The following TTC7B variants were observed in gnomAD, a reference collection of about 807,000 sequenced individuals.
The protein encoded by TTC7B is tetratricopeptide repeat protein 7B.
In TTC7B, 28 loss-of-function variants were observed where a neutral mutation model predicts 106.8. That is an observed-to-expected ratio of 0.26 (90% CI 0.19 to 0.36). The LOEUF (loss-of-function observed/expected upper bound fraction) is 0.36, where lower values mean the gene tolerates loss of function less well. TTC7B is among the 10% of genes least tolerant of loss of function. TTC7B has a pLI of 1.00. For missense variants in TTC7B, 862 were observed against 1,076.4 expected, an observed-to-expected ratio of 0.80 and a Z score of 2.79; for synonymous variants, 405 against 430.6, an observed-to-expected ratio of 0.94 and a Z score of 0.74.
chr14:90,552,731 G>A (rs1890139505), intron 19 of TTC7B, among the ~76,000 whole-genome samples: 1 of 152,226 alleles, frequency 6.6e-6, no homozygotes, highest in Admixed American at 6.5e-5. Context: ...AGATGAAGGA[G>A]GAGAGCTCCA....
chr14:90,609,324 G>A (rs529930089), intron 17 of TTC7B, among the ~76,000 whole-genome samples: 2 of 152,330 alleles, frequency 1.3e-5, no homozygotes, highest in African/African-American at 2.4e-5. Flanking sequence ...CGCTTCCAGT[G>A]CCCAAAAATC....
intron 5 of TTC7B, among the ~76,000 whole-genome samples, chr14:90,721,508 C>T (rs1259963530): frequency 2.6e-5 from 4 of 151,032 alleles, no homozygotes; most frequent in African/African-American, 4.9e-5. Flanking sequence ...TACATAATTA[C>T]GTCTAGACTT....
intron 5 of TTC7B, among the ~76,000 whole-genome samples, chr14:90,720,276 T>G (rs1410096187): frequency 6.6e-6 from 1 of 152,180 alleles, no homozygotes; most frequent in Non-Finnish European, 1.5e-5. Context: ...GTAGGTTAAT[T>G]TCATTTTAAA....
intron 1 of TTC7B, among the ~76,000 whole-genome samples, chr14:90,800,573 AG>A (rs1659650737): frequency 6.6e-6 from 1 of 152,082 alleles, no homozygotes; most frequent in Non-Finnish European, 1.5e-5. Context: ...GCACTTTGGG[AG>A]GCCGAGGCAG....
At chr14:90,628,936 G>T (rs1884569055) in intron 15 of TTC7B, among the ~76,000 whole-genome samples, 1 of 152,256 alleles carries the variant, frequency 6.6e-6, no homozygotes, top group Non-Finnish European at 1.5e-5. Context: ...CTCCCTGAAG[G>T]TGAGCGATTC....
chr14:90,696,173 G>A (rs552111491), intron 5 of TTC7B, among the ~76,000 whole-genome samples: 1 of 152,184 alleles, frequency 6.6e-6, no homozygotes, highest in South Asian at 2.1e-4. Flanking sequence ...TGTGACAACT[G>A]GAACCCGAGC....
At position 90,638,772 on chromosome 14, in the gene TTC7B, A is replaced by G. The variant is rs148486321; in HGVS notation, c.1751+5276T>C. Among the ~76,000 whole-genome samples, 30 of 152,368 alleles carry G rather than the reference A, an allele frequency of 2.0e-4. No homozygotes were observed. The East Asian group carries it at 3.8e-3, about 20-fold the overall frequency. Reference sequence around the variant, plus strand: ...AAAGTTCAAAGGCCCAAGACAAGCCATGGCAACCTAAAGAGCAGGATACAG... The same window carrying G: ...AAAGTTCAAAGGCCCAAGACAAGCCGTGGCAACCTAAAGAGCAGGATACAG... On this transcript the variant is annotated intron_variant, in intron 15 of 19. Coordinates refer to ENST00000328459, the MANE Select transcript of TTC7B (RefSeq NM_001010854.2).
intron 13 of TTC7B, among the ~76,000 whole-genome samples, chr14:90,651,607 C>T (rs1344357400): frequency 6.6e-6 from 1 of 152,196 alleles, no homozygotes; most frequent in African/African-American, 2.4e-5. Flanking sequence ...AACTCCAAAT[C>T]ATTTGAAATG....
chr14:90,542,579 C>T (rs989658908), intron 19 of TTC7B, among the ~76,000 whole-genome samples: 1 of 152,204 alleles, frequency 6.6e-6, no homozygotes, highest in Non-Finnish European at 1.5e-5. Flanking sequence ...CCAAATCGCA[C>T]AGACATGAAC....
chr14:90,549,215 T>A (rs28534450), intron 19 of TTC7B, among the ~76,000 whole-genome samples: 5 of 149,552 alleles, frequency 3.3e-5, no homozygotes, highest in African/African-American at 1.2e-4. Flanking sequence ...ACTGGTGGAG[T>A]GGGACCCCTT....
At chr14:90,665,390 C>T (rs1486633162) in intron 9 of TTC7B, among the ~76,000 whole-genome samples, 1 of 152,202 alleles carries the variant, frequency 6.6e-6, no homozygotes, top group East Asian at 1.9e-4. Context: ...AGAGCTTATG[C>T]CTTTCCAGTC....
At chr14:90,579,590 G>C (rs985239469) in intron 18 of TTC7B, among the ~76,000 whole-genome samples, 2 of 152,170 alleles carry the variant, frequency 1.3e-5, no homozygotes, top group Non-Finnish European at 2.9e-5. Context: ...TTGAGGTCAG[G>C]AGTTCGAAAC....
At position 90,624,033 on chromosome 14, in the gene TTC7B, A is replaced by AAAAAC. The variant is rs926382132; in HGVS notation, c.1752-5993_1752-5989dup. 1.3e-5 allele frequency among the ~76,000 whole-genome samples: 2 copies of AAAAAC among 152,270 alleles called. No individual in the cohort carries two copies. The highest frequency in any genetic ancestry group is 2.1e-4 in the South Asian group (1 of 4,830). ...CAGACTCTGTCTCAAACAACAAAAC[A>AAAAAC]AAAACAAAACAAAACAAAACCCATG... On this transcript the variant is annotated intron_variant, in intron 15 of 19. Coordinates refer to ENST00000328459, the MANE Select transcript of TTC7B (RefSeq NM_001010854.2). This position sits in a 1 kb window ranked among gnomAD's most constrained non-coding sequence, Gnocchi z 4.0.
intron 5 of TTC7B, among the ~76,000 whole-genome samples, chr14:90,700,564 C>T (rs1420901248): frequency 6.6e-6 from 1 of 151,808 alleles, no homozygotes; most frequent in Non-Finnish European, 1.5e-5. Flanking sequence ...CTTATATTCC[C>T]AGACCCCTTT....
At chr14:90,816,135 G>T in intron 1 of TTC7B, 40 bp downstream of exon 1, 1 of 1,082,602 alleles carries the variant, frequency 9.2e-7, no homozygotes. Flanking sequence ...CGGAGGCCGC[G>T]GCGCCCCCCG....
intron 13 of TTC7B, among the ~76,000 whole-genome samples, chr14:90,648,088 G>C (rs992247692): frequency 6.6e-6 from 1 of 152,170 alleles, no homozygotes; most frequent in African/African-American, 2.4e-5. Flanking sequence ...AAACCTCCCA[G>C]GTGTTTGCCA....
At chr14:90,715,574 G>A (rs1749717) in intron 5 of TTC7B, among the ~76,000 whole-genome samples, 52,217 of 151,994 alleles carry the variant, frequency 0.34, 9,275 homozygotes, top group Middle Eastern at 0.39. Flanking sequence ...TATGAAGCAG[G>A]TCCTATTATT....
intron 19 of TTC7B, among the ~76,000 whole-genome samples, chr14:90,558,713 C>A (rs550105874): frequency 1.3e-5 from 2 of 152,250 alleles, no homozygotes; most frequent in South Asian, 4.1e-4. Context: ...TCTGCCCTGC[C>A]GGCCTCTGTT....
At chr14:90,685,317 GT>G (rs1181715910) in intron 7 of TTC7B, among the ~76,000 whole-genome samples, 1 of 152,186 alleles carries the variant, frequency 6.6e-6, no homozygotes, top group African/African-American at 2.4e-5. Flanking sequence ...TAACTGAATG[GT>G]GAGAATGTGC....
Sources: gnomAD v4.1 joint callset for allele counts (sites outside exome capture counted in the v4.1 genomes callset) on GRCh38, gnomAD v4.1.1 for gene constraint, Gnocchi (gnomAD v3.1) non-coding constraint, MANE v1.5 for transcripts, NCBI Gene and HGNC (gene_info 2026-07-23, HGNC 2026-07-21) for gene names.